Variants in CRY1 observed in about 807,000 individuals in gnomAD.
The protein encoded by CRY1 is cryptochrome circadian regulator 1.
CRY1 carries 45 observed loss-of-function variants against 76.0 expected under a neutral mutation model. That is an observed-to-expected ratio of 0.59 (90% CI 0.47 to 0.76). The LOEUF is 0.76. CRY1 is among the 30% of genes least tolerant of loss of function. The pLI is 0.00. For synonymous variants in CRY1, 248 were observed against 244.0 expected (o/e 1.02, Z -0.15); for missense variants, 587 against 716.4 (o/e 0.82, Z 2.06).
At chr12:107,074,402 T>G (rs1953225213) in intron 1 of CRY1, among the ~76,000 whole-genome samples, 1 of 152,200 alleles carries the variant, frequency 6.6e-6, no homozygotes, top group African/African-American at 2.4e-5. Flanking sequence ...TACGTGTCAT[T>G]AAGATATTTA....
At chr12:107,010,592 T>C (rs1442660949) in intron 2 of CRY1, among the ~76,000 whole-genome samples, 1 of 152,156 alleles carries the variant, frequency 6.6e-6, no homozygotes, top group African/African-American at 2.4e-5. Flanking sequence ...ATTATATCTG[T>C]TATGATGACC....
chr12:107,026,320 C>T (rs1187824848), intron 1 of CRY1, among the ~76,000 whole-genome samples: 1 of 151,054 alleles, frequency 6.6e-6, no homozygotes, highest in African/African-American at 2.4e-5. Context: ...CAGCCTCCAC[C>T]TCCCAGGTTC....
chr12:107,008,994 T>G (rs957976341), intron 2 of CRY1, among the ~76,000 whole-genome samples: 6 of 152,216 alleles, frequency 3.9e-5, no homozygotes, highest in African/African-American at 7.2e-5. Context: ...TTACCCAGTC[T>G]CAGGTATGTC....
At chr12:107,069,436 T>C (rs972206925) in intron 1 of CRY1, among the ~76,000 whole-genome samples, 3 of 150,224 alleles carry the variant, frequency 2.0e-5, no homozygotes, top group African/African-American at 7.3e-5. Flanking sequence ...TTGGTGCATA[T>C]GAAGTGGTAT....
In CRY1 at chr12:106,998,010, C is replaced by T. The variant is rs765423740; in HGVS notation, c.1194G>A (p.Met398Ile). The T allele has an allele frequency of 5.6e-6, 9 of 1,614,192 alleles. No homozygotes were observed. The highest frequency in any genetic ancestry group is 7.6e-6 in the Non-Finnish European group (9 of 1,180,004). Residue 398 changes from methionine to isoleucine, a missense_variant, in exon 8 of 13, where the codon ATG (methionine) becomes ATA (isoleucine). Physicochemically the swap from Met to Ile is conservative, Grantham distance 10. Coordinates refer to ENST00000008527, the MANE Select transcript of CRY1 (RefSeq NM_004075.5). The stretch of plus-strand genomic sequence containing the variant: ...GAAAAAAGGAACTACAAGACAGCCA[C>T]ATCCAACTTCCAGCATTTATGCTCC... ...ADWSINAGSW[M>I]WLSCSSFFQQ... is the part of the protein sequence containing the mutation.
intron 1 of CRY1, among the ~76,000 whole-genome samples, chr12:107,053,069 A>C (rs1329003953): frequency 6.6e-6 from 1 of 152,198 alleles, no homozygotes; most frequent in African/African-American, 2.4e-5. Flanking sequence ...AGCCCATATA[A>C]TTTAATCAAC....
intron 1 of CRY1, among the ~76,000 whole-genome samples, chr12:107,091,393 C>G (rs1244888641): frequency 6.6e-6 from 1 of 152,126 alleles, no homozygotes; most frequent in Non-Finnish European, 1.5e-5. Context: ...ATTTTGCCTT[C>G]AGAATATAAC....
intron 2 of CRY1, among the ~76,000 whole-genome samples, chr12:107,008,415 A>T (rs1431750912): frequency 6.6e-6 from 1 of 152,196 alleles, no homozygotes; most frequent in African/African-American, 2.4e-5. Context: ...AAGAGTGGCA[A>T]TACAGAGGTA....
intron 1 of CRY1, among the ~76,000 whole-genome samples, chr12:107,082,185 A>T (rs1170497009): frequency 6.6e-6 from 1 of 152,120 alleles, no homozygotes; most frequent in African/African-American, 2.4e-5. Flanking sequence ...AAACAAGAGC[A>T]CCCAGATTCA....
At chr12:107,070,076 T>G (rs1394339095) in intron 1 of CRY1, among the ~76,000 whole-genome samples, 1 of 152,158 alleles carries the variant, frequency 6.6e-6, no homozygotes, top group East Asian at 1.9e-4. Flanking sequence ...AATCTGGCAT[T>G]TCTTAGTCAA....
intron 1 of CRY1, among the ~76,000 whole-genome samples, chr12:107,068,460 T>A (rs1301884002): frequency 6.6e-6 from 1 of 152,134 alleles, no homozygotes; most frequent in African/African-American, 2.4e-5. Flanking sequence ...CATGCCCCGC[T>A]AATTTTTGTA....
intron 10 of CRY1, 60 bp downstream of exon 10, chr12:106,997,234 A>T: frequency 7.2e-7 from 1 of 1,379,862 alleles, no homozygotes; most frequent in Admixed American, 1.8e-5. Flanking sequence ...ATCAATAACA[A>T]ATATATTTGT....
At chr12:107,092,074 G>A (rs1345139806) in intron 1 of CRY1, among the ~76,000 whole-genome samples, 1 of 152,124 alleles carries the variant, frequency 6.6e-6, no homozygotes, top group Non-Finnish European at 1.5e-5. Context: ...ATCAGTGCCT[G>A]GCACATGCTA....
chr12:107,009,903 A>T (rs1434038568), intron 2 of CRY1, among the ~76,000 whole-genome samples: 2 of 152,002 alleles, frequency 1.3e-5, no homozygotes, highest in Non-Finnish European at 2.9e-5. Flanking sequence ...TCCTCATAAA[A>T]TGAGTTGGGA....
chr12:107,039,083 C>T (rs1952768639), intron 1 of CRY1, among the ~76,000 whole-genome samples: 1 of 152,060 alleles, frequency 6.6e-6, no homozygotes, highest in Non-Finnish European at 1.5e-5. Flanking sequence ...CGGGATCGTG[C>T]CATTGTACTC....
chr12:107,016,369 T>A (rs965922151), intron 2 of CRY1, among the ~76,000 whole-genome samples: 16 of 151,766 alleles, frequency 1.1e-4, no homozygotes, highest in East Asian at 3.9e-4. Context: ...CAAACAATTT[T>A]AAAAAAAAGT....
At chr12:106,993,259 T>C (rs917192286) in intron 10 of CRY1, among the ~76,000 whole-genome samples, 1 of 151,984 alleles carries the variant, frequency 6.6e-6, no homozygotes, top group Non-Finnish European at 1.5e-5. Context: ...AAATCATTGA[T>C]GATCATTTTC....
chr12:107,052,742 A>T (rs944639648), intron 1 of CRY1, among the ~76,000 whole-genome samples: 2 of 152,240 alleles, frequency 1.3e-5, no homozygotes, highest in African/African-American at 2.4e-5. Flanking sequence ...ACACAGGTGA[A>T]GAACATGCAT....
intron 1 of CRY1, among the ~76,000 whole-genome samples, chr12:107,066,519 G>GA (rs982784373): frequency 6.7e-6 from 1 of 149,596 alleles, no homozygotes; most frequent in African/African-American, 2.5e-5. Context: ...GCAGTGGCAC[G>GA]ATCTCGGCTC....
Sources: gnomAD v4.1 joint callset for allele counts (sites outside exome capture counted in the v4.1 genomes callset) on GRCh38, gnomAD v4.1.1 for gene constraint, MANE v1.5 for transcripts, NCBI Gene and HGNC (gene_info 2026-07-23, HGNC 2026-07-21) for gene names.